The following NXN variants were observed in gnomAD, a reference collection of about 807,000 sequenced individuals.
NXN encodes nucleoredoxin.
A neutral mutation model predicts 48.6 loss-of-function variants in NXN; 16 were observed. The observed-to-expected ratio is 0.33, with a 90% CI of 0.22 to 0.50. NXN has a LOEUF of 0.50. NXN is among the 20% of genes least tolerant of loss of function. NXN has a pLI of 0.98. For synonymous variants in NXN, 281 were observed against 269.6 expected, an observed-to-expected ratio of 1.04 and a Z score of -0.41; for missense variants, 492 against 605.5, an observed-to-expected ratio of 0.81 and a Z score of 1.97.
At chr17:851,977 G>A (rs1305108443) in intron 1 of NXN, among the ~76,000 whole-genome samples, 1 of 152,136 alleles carries the variant, frequency 6.6e-6, no homozygotes, top group Non-Finnish European at 1.5e-5. Context: ...ACTTGAAATG[G>A]AGAGTGGAAA....
intron 1 of NXN, among the ~76,000 whole-genome samples, chr17:934,745 G>A (rs760485821): frequency 1.6e-4 from 24 of 151,494 alleles, no homozygotes; most frequent in South Asian, 8.4e-4. Context: ...GTGATGGCAC[G>A]CACCTGTAAT....
At chr17:814,165 C>T (rs369647627) in intron 5 of NXN, among the ~76,000 whole-genome samples, 3 of 143,450 alleles carry the variant, frequency 2.1e-5, no homozygotes, top group East Asian at 2.2e-4. Context: ...CGGAGGCTGA[C>T]GCAGGAGAAC....
At chr17:972,923 C>T (rs1030995015) in intron 1 of NXN, among the ~76,000 whole-genome samples, 3 of 150,900 alleles carry the variant, frequency 2.0e-5, no homozygotes, top group Admixed American at 6.6e-5. Context: ...CCCAGCTACT[C>T]GGGAGGCTGA....
chr17:926,534 G>GT (rs60470915), intron 1 of NXN, among the ~76,000 whole-genome samples: 55,057 of 141,120 alleles, frequency 0.39, 10,402 homozygotes, highest in Middle Eastern at 0.46. Flanking sequence ...CATGTTTTTT[G>GT]TTTTTTTTTT....
intron 1 of NXN, chr17:864,055 C>T (rs758197381): frequency 4.7e-5 from 70 of 1,478,308 alleles, no homozygotes; most frequent in South Asian, 1.9e-4. Flanking sequence ...TGCCATTGCT[C>T]GGTTCCGGTG....
chr17:800,938 C>G lies in NXN; in HGVS notation c.*11G>C, dbSNP rs2144551896. On this transcript the variant is annotated 3_prime_UTR_variant, in exon 8 of 8. Coordinates refer to ENST00000336868, the MANE Select transcript of NXN (RefSeq NM_022463.5). ...GAGTTTTAAATAACGTCTCAGGAGGCCGGAGCCACGCTAGATGGGCTCCGG... is the reference window on the plus strand; with the variant it reads ...GAGTTTTAAATAACGTCTCAGGAGGGCGGAGCCACGCTAGATGGGCTCCGG... 1 of 1,429,100 alleles carries G rather than the reference C, an allele frequency of 7.0e-7. No homozygotes were observed. The highest frequency in any genetic ancestry group is 9.3e-7 in the Non-Finnish European group (1 of 1,080,274). 88.5% of individuals were successfully genotyped at this position (1,429,100 alleles called of 1,614,324 possible). A position where few individuals can be genotyped will look rare whatever the true frequency, so the allele number is the denominator to read the frequency against.
intron 1 of NXN, among the ~76,000 whole-genome samples, chr17:899,423 C>T (rs1411855009): frequency 6.6e-6 from 1 of 152,188 alleles, no homozygotes; most frequent in African/African-American, 2.4e-5. Flanking sequence ...CTCTCCTGAG[C>T]TCATATTCTC....
Position 825,688 on chromosome 17 carries a change from G to A in NXN, c.478+273C>T, listed in dbSNP as rs532974103. 2.3e-5 allele frequency: 8 copies of A among 350,694 alleles called. No homozygotes were observed. The highest frequency in any genetic ancestry group is 1.9e-4 in the South Asian group (4 of 21,304). The allele number at this position is 350,694 out of a possible 1,614,324, so 21.7% of individuals were successfully genotyped here. ...CTCTCCGCTTTCCCACAGCCTCTGC[G>A]GCCCTCCAAGCGGAGCTTCTTACGG... is the stretch of plus-strand genomic sequence containing the variant. On this transcript the variant is annotated intron_variant, in intron 2 of 7. Transcript: ENST00000336868. The surrounding 1 kb of genome is among the most constrained non-coding windows in gnomAD (Gnocchi z 4.1).
intron 3 of NXN, among the ~76,000 whole-genome samples, chr17:823,023 C>T (rs1313478882): frequency 6.6e-6 from 1 of 151,964 alleles, no homozygotes; most frequent in African/African-American, 2.4e-5. Flanking sequence ...TCACTTGAAC[C>T]CGGGAGACAG....
intron 5 of NXN, among the ~76,000 whole-genome samples, chr17:805,602 T>C (rs746299367): frequency 2.6e-5 from 4 of 152,170 alleles, no homozygotes; most frequent in Admixed American, 2.6e-4. Context: ...TTTGGGAGGC[T>C]GAGGTGGATG....
intron 1 of NXN, among the ~76,000 whole-genome samples, chr17:909,293 G>T (rs9893860): frequency 0.55 from 83,262 of 151,494 alleles, 23,193 homozygotes; most frequent in Admixed American, 0.67. Flanking sequence ...CACTTATAAA[G>T]CTAAACATTA....
chr17:951,475 G>T (rs1442130269), intron 1 of NXN, among the ~76,000 whole-genome samples: 1 of 151,002 alleles, frequency 6.6e-6, no homozygotes, highest in Non-Finnish European at 1.5e-5. Flanking sequence ...TCTCTCTGTT[G>T]AGATGCTCAC....
chr17:963,204 T>C (rs1245965097), intron 1 of NXN, among the ~76,000 whole-genome samples: 2 of 122,886 alleles, frequency 1.6e-5, no homozygotes, highest in African/African-American at 4.6e-5. Context: ...AAGGTATAGG[T>C]ACTGGGACGG....
intron 1 of NXN, among the ~76,000 whole-genome samples, chr17:896,221 T>C (rs1209801463): frequency 6.6e-6 from 1 of 151,312 alleles, no homozygotes; most frequent in Non-Finnish European, 1.5e-5. Flanking sequence ...ATGCCTGTAA[T>C]CCCAGCTACT....
intron 1 of NXN, among the ~76,000 whole-genome samples, chr17:927,692 C>T (rs778200290): frequency 1.3e-5 from 2 of 150,824 alleles, no homozygotes; most frequent in Non-Finnish European, 2.9e-5. Flanking sequence ...CGATGGTTTG[C>T]GGGAGGAGCA....
intron 5 of NXN, among the ~76,000 whole-genome samples, chr17:812,781 CATGTGTGT>C (rs1912185716): frequency 8.6e-6 from 1 of 116,256 alleles, no homozygotes; most frequent in Admixed American, 9.0e-5. Flanking sequence ...TAGGTGTGTG[CATGTGTGT>C]AGGTGTGTGT....
intron 1 of NXN, among the ~76,000 whole-genome samples, chr17:918,039 A>G (rs1255373809): frequency 6.6e-6 from 1 of 152,226 alleles, no homozygotes; most frequent in Non-Finnish European, 1.5e-5. Context: ...CATAAAGGAA[A>G]TCTCAGTTTC....
intron 5 of NXN, among the ~76,000 whole-genome samples, chr17:813,979 A>G (rs1322340053): frequency 8.0e-6 from 1 of 125,078 alleles, no homozygotes; most frequent in South Asian, 2.6e-4. Context: ...AAAAAAAAAG[A>G]GCCGGGCACG....
At chr17:884,588 C>T (rs868521910) in intron 1 of NXN, among the ~76,000 whole-genome samples, 2 of 152,154 alleles carry the variant, frequency 1.3e-5, no homozygotes, top group Non-Finnish European at 2.9e-5. Flanking sequence ...GGAAAAGGGC[C>T]GTTGGGCTGG....
Sources: allele counts gnomAD v4.1 joint callset (sites outside exome capture counted in the v4.1 genomes callset), GRCh38; gene constraint gnomAD v4.1.1; non-coding constraint Gnocchi (gnomAD v3.1); transcripts MANE v1.5; gene names NCBI Gene and HGNC (gene_info 2026-07-23, HGNC 2026-07-21).